The following FAM135B variants were observed in gnomAD, a reference collection of about 807,000 sequenced individuals.
FAM135B encodes protein FAM135B.
A neutral mutation model predicts 127.7 loss-of-function variants in FAM135B; 43 were observed. The ratio of observed to expected loss-of-function variants is 0.34; its 90% CI spans 0.26 to 0.43. The LOEUF (loss-of-function observed/expected upper bound fraction) is 0.43. Ranked by LOEUF, FAM135B falls within the 20% of genes least tolerant of loss-of-function variation. The pLI is 1.00. For missense variants in FAM135B, 1,558 were observed against 1,725.6 expected, an observed-to-expected ratio of 0.90 and a Z score of 1.72; for synonymous variants, 670 against 665.1, an observed-to-expected ratio of 1.01 and a Z score of -0.11.
intron 1 of FAM135B, among the ~76,000 whole-genome samples, chr8:138,372,028 T>C (rs1831160464): frequency 1.3e-5 from 2 of 152,174 alleles, no homozygotes; most frequent in Admixed American, 1.3e-4. Context: ...TGATGACGGC[T>C]CAGGAAGAGG....
chr8:138,155,598 A>G (rs1818652108), intron 12 of FAM135B, among the ~76,000 whole-genome samples: 4 of 152,172 alleles, frequency 2.6e-5, no homozygotes, highest in African/African-American at 9.7e-5. Context: ...GGGATGGAGG[A>G]AGATCTACCA....
intron 2 of FAM135B, among the ~76,000 whole-genome samples, chr8:138,340,238 G>C (rs1010253046): frequency 1.3e-5 from 2 of 152,128 alleles, no homozygotes; most frequent in Non-Finnish European, 2.9e-5. Context: ...CTGCTAGAGA[G>C]AGCCTTCTAA....
chr8:138,385,050 G>A (rs1832106868), intron 1 of FAM135B, among the ~76,000 whole-genome samples: 1 of 152,040 alleles, frequency 6.6e-6, no homozygotes, highest in South Asian at 2.1e-4. Context: ...CCCCTAAGAT[G>A]CCCCAGCAAA....
At chr8:138,362,148 C>A (rs891693427) in intron 2 of FAM135B, among the ~76,000 whole-genome samples, 3 of 152,034 alleles carry the variant, frequency 2.0e-5, no homozygotes, top group Admixed American at 6.6e-5. Context: ...CCTCTTTTAG[C>A]TATTTTTAAA....
At chr8:138,382,489 G>C (rs1831920432) in intron 1 of FAM135B, among the ~76,000 whole-genome samples, 1 of 152,088 alleles carries the variant, frequency 6.6e-6, no homozygotes, top group Non-Finnish European at 1.5e-5. Flanking sequence ...AGCAGGACAT[G>C]GAGAGGCAGC....
At chr8:138,218,789 AGAGAGAGAGAGAGAGG>A (rs568622298) in intron 7 of FAM135B, among the ~76,000 whole-genome samples, 15,988 of 135,018 alleles carry the variant, frequency 0.12, 1,167 homozygotes, top group Admixed American at 0.24. Context: ...AGAGAGAGAG[AGAGAGAGAGAGAGAGG>A]GAGAGAAAGA....
At chr8:138,286,852 C>T (rs1347892240) in intron 3 of FAM135B, among the ~76,000 whole-genome samples, 1 of 152,228 alleles carries the variant, frequency 6.6e-6, no homozygotes, top group Non-Finnish European at 1.5e-5. Flanking sequence ...TAGCCTGGGG[C>T]TATGGCTCAA....
intron 1 of FAM135B, among the ~76,000 whole-genome samples, chr8:138,470,193 C>T (rs1837602275): frequency 6.6e-6 from 1 of 152,094 alleles, no homozygotes. Context: ...CAGGAGAAAA[C>T]ACAAAACTTT....
chr8:138,397,743 C>T (rs1456137015), intron 1 of FAM135B, among the ~76,000 whole-genome samples: 1 of 152,168 alleles, frequency 6.6e-6, no homozygotes, highest in Non-Finnish European at 1.5e-5. Flanking sequence ...GGACAGAGCT[C>T]CAGGAGTTTG....
chr8:138,261,948 A>T (rs1822569170), intron 4 of FAM135B, among the ~76,000 whole-genome samples: 1 of 152,242 alleles, frequency 6.6e-6, no homozygotes, highest in African/African-American at 2.4e-5. Context: ...AAATGCATCC[A>T]TTCCAAATAT....
chr8:138,406,073 T>G (rs1299727618), intron 1 of FAM135B, among the ~76,000 whole-genome samples: 1 of 148,160 alleles, frequency 6.7e-6, no homozygotes, highest in African/African-American at 2.6e-5. Flanking sequence ...TTTGCTCCTT[T>G]CTTGTAAATT....
intron 1 of FAM135B, among the ~76,000 whole-genome samples, chr8:138,377,896 A>C (rs4909781): frequency 0.5 from 75,919 of 152,064 alleles, 20,978 homozygotes; most frequent in East Asian, 0.82. Context: ...CTTGTTGCCT[A>C]CCGTGATCAC....
chr8:138,275,892 G>A (rs1823785179), intron 3 of FAM135B, among the ~76,000 whole-genome samples: 1 of 152,152 alleles, frequency 6.6e-6, no homozygotes, highest in African/African-American at 2.4e-5. Flanking sequence ...TTTATAGAAT[G>A]CATGACTGAC....
At chr8:138,486,623 G>A (rs879191777) in intron 1 of FAM135B, among the ~76,000 whole-genome samples, 2 of 152,188 alleles carry the variant, frequency 1.3e-5, no homozygotes, top group South Asian at 2.1e-4. Flanking sequence ...TGGCCTCAAG[G>A]AGGAAGACTG....
intron 3 of FAM135B, among the ~76,000 whole-genome samples, chr8:138,273,213 GT>G (rs1383711560): frequency 1.3e-5 from 2 of 152,028 alleles, no homozygotes; most frequent in Non-Finnish European, 2.9e-5. Flanking sequence ...TTTTTGTTTT[GT>G]TTTGTTTTTG....
In FAM135B at chr8:138,160,526, T is replaced by C. The variant is rs551356098; in HGVS notation, c.1259-7310A>G. ...GTCTCAGCCTCCCAAGTAGCTGGGA[T>C]TACAGGCACATGCCACCATGCCCAG... On this transcript the variant is annotated intron_variant, in intron 12 of 19. Coordinates refer to ENST00000395297, the MANE Select transcript of FAM135B (RefSeq NM_015912.4). Among the ~76,000 whole-genome samples, 5 of 151,974 alleles carry C rather than the reference T, an allele frequency of 3.3e-5. No homozygotes were observed. The South Asian group carries it at 1.0e-3, about 32-fold the overall frequency.
intron 2 of FAM135B, among the ~76,000 whole-genome samples, chr8:138,345,810 G>A (rs972826696): frequency 6.6e-6 from 1 of 152,212 alleles, no homozygotes; most frequent in Non-Finnish European, 1.5e-5. Flanking sequence ...CATCCTGCAT[G>A]ATGATCTCTA....
chr8:138,225,221 ATTAT>A (rs1819321907), intron 7 of FAM135B, among the ~76,000 whole-genome samples: 1 of 152,200 alleles, frequency 6.6e-6, no homozygotes, highest in Non-Finnish European at 1.5e-5. Context: ...ATATGCAATT[ATTAT>A]TTGTCAACTA....
At chr8:138,425,169 G>C (rs892081181) in intron 1 of FAM135B, among the ~76,000 whole-genome samples, 1 of 152,130 alleles carries the variant, frequency 6.6e-6, no homozygotes, top group African/African-American at 2.4e-5. Flanking sequence ...CATTGAGTGG[G>C]TGTTCACTTG....
Sources: allele counts gnomAD v4.1 joint callset (sites outside exome capture counted in the v4.1 genomes callset), GRCh38; gene constraint gnomAD v4.1.1; transcripts MANE v1.5; gene names NCBI Gene and HGNC (gene_info 2026-07-23, HGNC 2026-07-21).